Variants in ROBO1 observed in about 807,000 individuals in gnomAD.
ROBO1 encodes roundabout guidance receptor 1, also known as roundabout homolog 1.
Under a neutral mutation model 195.9 loss-of-function variants are expected in ROBO1, and 149 were observed. The ratio of observed to expected loss-of-function variants is 0.76; its 90% confidence interval spans 0.67 to 0.87. The LOEUF is 0.87. Ranked by LOEUF, ROBO1 falls within the 40% of genes least tolerant of loss-of-function variation. ROBO1 has a pLI of 0.00. For synonymous variants in ROBO1, 816 were observed against 733.2 expected (o/e 1.11, Z -1.82); for missense variants, 1,933 against 2,068.3 (o/e 0.93, Z 1.27).
chr3:79,079,192 A>C (rs964031694), intron 3 of ROBO1, among the ~76,000 whole-genome samples: 1 of 151,840 alleles, frequency 6.6e-6, no homozygotes, highest in African/African-American at 2.4e-5. Flanking sequence ...TATTTATTAG[A>C]AATATGTGAA....
At chr3:79,152,434 T>C (rs886951016) in intron 2 of ROBO1, among the ~76,000 whole-genome samples, 1 of 151,790 alleles carries the variant, frequency 6.6e-6, no homozygotes, top group Admixed American at 6.6e-5. Context: ...ATATGTGCGT[T>C]GACCCTTCAC....
intron 3 of ROBO1, among the ~76,000 whole-genome samples, chr3:79,033,024 G>A (rs2078323588): frequency 6.6e-6 from 1 of 151,976 alleles, no homozygotes; most frequent in Non-Finnish European, 1.5e-5. Context: ...TAGAGTGGTA[G>A]AACATTAAAA....
At chr3:78,864,629 C>A (rs1303642744) in intron 4 of ROBO1, among the ~76,000 whole-genome samples, 10 of 151,716 alleles carry the variant, frequency 6.6e-5, no homozygotes, top group Non-Finnish European at 1.5e-4. Flanking sequence ...TTAAATGTAA[C>A]CATTTTAGTA....
intron 3 of ROBO1, among the ~76,000 whole-genome samples, chr3:78,996,466 TTCTA>T (rs1173371195): frequency 3.3e-5 from 5 of 152,300 alleles, no homozygotes; most frequent in African/African-American, 4.8e-5. Context: ...TCTGCATTTA[TTCTA>T]TCTAACAGTG....
intron 4 of ROBO1, among the ~76,000 whole-genome samples, chr3:78,884,732 A>C (rs917109665): frequency 2.8e-4 from 43 of 151,376 alleles, no homozygotes; most frequent in Non-Finnish European, 5.2e-4. Context: ...AAAGGAAGGA[A>C]GGAAGGAAAG....
chr3:78,908,730 A>G (rs1414359443), intron 4 of ROBO1, among the ~76,000 whole-genome samples: 1 of 151,904 alleles, frequency 6.6e-6, no homozygotes, highest in Non-Finnish European at 1.5e-5. Flanking sequence ...AGTGGTAAGC[A>G]CAGTTTTTAC....
Position 78,698,710 on chromosome 3 carries a change from A to C in ROBO1, c.1046-9938T>G, listed in dbSNP as rs1454302597. On this transcript the variant is annotated intron_variant, in intron 8 of 30. Transcript: ENST00000464233. Reference sequence around the variant, plus strand: ...AATGTCAACAGTGCCAAGATTCAGAAGCCCAGCTGTAGATGAGCTATTCAA... The same window carrying C: ...AATGTCAACAGTGCCAAGATTCAGACGCCCAGCTGTAGATGAGCTATTCAA... Among the ~76,000 whole-genome samples, 3 of 152,210 alleles carry C rather than the reference A, an allele frequency of 2.0e-5. No homozygotes were observed. In the East Asian group the frequency reaches 5.8e-4, roughly 29 times the overall value.
chr3:78,696,704 A>ATATATATACACG (rs1410530901), intron 8 of ROBO1, among the ~76,000 whole-genome samples: 1 of 147,916 alleles, frequency 6.8e-6, no homozygotes, highest in East Asian at 2.0e-4. Flanking sequence ...ATATATACAC[A>ATATATATACACG]TATATATACA....
intron 2 of ROBO1, among the ~76,000 whole-genome samples, chr3:79,305,509 A>G (rs927629240): frequency 6.8e-6 from 1 of 146,900 alleles, no homozygotes; most frequent in Non-Finnish European, 1.5e-5. Flanking sequence ...AAAAAAAAAA[A>G]GAATTACAAA....
At chr3:79,036,624 G>A (rs532702384) in intron 3 of ROBO1, among the ~76,000 whole-genome samples, 33 of 152,028 alleles carry the variant, frequency 2.2e-4, no homozygotes, top group African/African-American at 7.7e-4. Flanking sequence ...TACAAGCATA[G>A]TAAAATTATC....
At chr3:79,767,234 G>A (rs1160965911) in intron 1 of ROBO1, among the ~76,000 whole-genome samples, 1 of 152,076 alleles carries the variant, frequency 6.6e-6, no homozygotes, top group African/African-American at 2.4e-5. Flanking sequence ...GCCTCAGTCA[G>A]CTCACATCAC....
At chr3:79,563,876 T>C (rs892879420) in intron 2 of ROBO1, among the ~76,000 whole-genome samples, 1 of 152,000 alleles carries the variant, frequency 6.6e-6, no homozygotes, top group South Asian at 2.1e-4. Context: ...TTTTATAGAG[T>C]GCATATTAAA....
chr3:78,710,254 G>T (rs1337721509), intron 8 of ROBO1, among the ~76,000 whole-genome samples: 3 of 152,046 alleles, frequency 2.0e-5, no homozygotes, highest in African/African-American at 4.8e-5. Flanking sequence ...ATTAGTTTTT[G>T]TAGAGATGGA....
chr3:79,624,559 A>T (rs1945108864), intron 1 of ROBO1, among the ~76,000 whole-genome samples: 1 of 152,206 alleles, frequency 6.6e-6, no homozygotes, highest in South Asian at 2.1e-4. Flanking sequence ...CCAGTCTCTG[A>T]CAAAACAGAC....
intron 1 of ROBO1, among the ~76,000 whole-genome samples, chr3:79,716,255 A>G (rs1011055444): frequency 6.6e-6 from 1 of 151,916 alleles, no homozygotes; most frequent in Non-Finnish European, 1.5e-5. Context: ...AAGAATATTA[A>G]CCATAATAAT....
At chr3:78,728,658 G>A (rs917288354) in intron 5 of ROBO1, among the ~76,000 whole-genome samples, 9 of 152,092 alleles carry the variant, frequency 5.9e-5, no homozygotes, top group South Asian at 2.1e-4. Flanking sequence ...CACACACATT[G>A]TAAAGAAAAT....
chr3:79,144,301 T>C (rs1314759342), intron 2 of ROBO1, among the ~76,000 whole-genome samples: 1 of 152,080 alleles, frequency 6.6e-6, no homozygotes, highest in Non-Finnish European at 1.5e-5. Flanking sequence ...AATCAGATTT[T>C]AAAAGCCACA....
Position 78,843,644 on chromosome 3 carries a change from C to T in ROBO1, c.499+94957G>A, listed in dbSNP as rs533807671. ...TAATATACTTCTCCAAAAGTTTTAA[C>T]AAGAGATATGTAATAATCTGAAAAC... On this transcript the variant is annotated intron_variant, in intron 4 of 30. Coordinates refer to ENST00000464233, the MANE Select transcript of ROBO1 (RefSeq NM_002941.4). 6.6e-5 allele frequency among the ~76,000 whole-genome samples: 10 copies of T among 152,066 alleles called. No homozygotes were observed. The South Asian group carries it at 2.1e-3, about 32-fold the overall frequency.
intron 3 of ROBO1, among the ~76,000 whole-genome samples, chr3:79,117,869 C>T (rs2080036945): frequency 6.6e-6 from 1 of 152,058 alleles, no homozygotes; most frequent in Admixed American, 6.6e-5. Flanking sequence ...CATCATTGTC[C>T]AAAATTCTCT....
Sources: allele counts gnomAD v4.1 joint callset (sites outside exome capture counted in the v4.1 genomes callset), GRCh38; gene constraint gnomAD v4.1.1; transcripts MANE v1.5; gene names NCBI Gene and HGNC (gene_info 2026-07-23, HGNC 2026-07-21).